PPP1R1C: variants seen among roughly 807,000 people sequenced by gnomAD.
PPP1R1C encodes protein phosphatase 1 regulatory subunit 1C.
A neutral mutation model predicts 17.4 loss-of-function variants in PPP1R1C; 15 were observed. The ratio of observed to expected loss-of-function variants is 0.86; its 90% confidence interval spans 0.58 to 1.33. PPP1R1C has a LOEUF of 1.33. PPP1R1C is among the 40% of genes most tolerant of loss of function. PPP1R1C has a pLI of 0.00. For synonymous variants in PPP1R1C, 35 were observed against 43.1 expected (o/e 0.81, Z 0.73); for missense variants, 143 against 130.0 (o/e 1.10, Z -0.48).
At chr2:182,092,255 CA>C (rs1688803775) in intron 4 of PPP1R1C, among the ~76,000 whole-genome samples, 1 of 152,140 alleles carries the variant, frequency 6.6e-6, no homozygotes, top group Admixed American at 6.5e-5. Flanking sequence ...GAGAAACTCC[CA>C]TTTTTAAAAC....
intron 2 of PPP1R1C, among the ~76,000 whole-genome samples, chr2:182,012,713 T>C (rs954285386): frequency 6.6e-6 from 1 of 152,084 alleles, no homozygotes; most frequent in Non-Finnish European, 1.5e-5. Context: ...ATGAAGGTGA[T>C]TTTTCTCTGG....
At chr2:182,037,903 G>A (rs1687061816) in intron 2 of PPP1R1C, among the ~76,000 whole-genome samples, 1 of 152,034 alleles carries the variant, frequency 6.6e-6, no homozygotes, top group Non-Finnish European at 1.5e-5. Flanking sequence ...ATTGATCAAA[G>A]TCATGCTGAA....
chr2:182,123,972 T>C (rs1427424130), intron 5 of PPP1R1C, among the ~76,000 whole-genome samples: 1 of 152,208 alleles, frequency 6.6e-6, no homozygotes, highest in Non-Finnish European at 1.5e-5. Context: ...TCTTATAGGG[T>C]TTTTATGGTT....
downstream of PPP1R1C, among the ~76,000 whole-genome samples, chr2:182,118,900 T>C (rs2125238941): frequency 6.6e-6 from 1 of 151,734 alleles, no homozygotes; most frequent in South Asian, 2.1e-4. Flanking sequence ...TCCCATGACT[T>C]TTTCTTTTTT....
chr2:182,031,693 T>A (rs1242719107), intron 2 of PPP1R1C, among the ~76,000 whole-genome samples: 1 of 152,220 alleles, frequency 6.6e-6, no homozygotes, highest in African/African-American at 2.4e-5. Flanking sequence ...CTGATACAGC[T>A]CTTTGACCAC....
Position 181,962,020 on chromosome 2 carries a change from C to A in PPP1R1C, n.111+7386C>A. On this transcript the variant is annotated intron_variant and non_coding_transcript_variant, in intron 1 of 5. Coordinates refer to the PPP1R1C transcript ENST00000464264. The surrounding 1 kb of genome is among the most constrained non-coding windows in gnomAD (Gnocchi z 6.0). ...CGGCTGCAAGACAGGCATTGTCAATCTGCAAAACGATGCCGGCATTGTCCA... is the reference window on the plus strand; with the variant it reads ...CGGCTGCAAGACAGGCATTGTCAATATGCAAAACGATGCCGGCATTGTCCA... 1 of 730,502 alleles carries A rather than the reference C, an allele frequency of 1.4e-6. No homozygotes were observed. Among genetic ancestry groups the A allele is most frequent in the South Asian group, 1.4e-5 (1 of 73,716 alleles). 45.3% of individuals were successfully genotyped at this position (730,502 alleles called of 1,614,324 possible). A position where few individuals can be genotyped will look rare whatever the true frequency, so the allele number is the denominator to read the frequency against.
At chr2:182,095,675 A>G (rs1688912430) in intron 4 of PPP1R1C, among the ~76,000 whole-genome samples, 1 of 152,312 alleles carries the variant, frequency 6.6e-6, no homozygotes, top group South Asian at 2.1e-4. Flanking sequence ...AGAAAAAGTA[A>G]TATCTTTTCT....
At chr2:182,034,490 A>C (rs1169971812) in intron 2 of PPP1R1C, among the ~76,000 whole-genome samples, 1 of 152,192 alleles carries the variant, frequency 6.6e-6, no homozygotes, top group African/African-American at 2.4e-5. Context: ...AAGGTCATTG[A>C]GGCTGGAGAG....
chr2:181,968,293 G>T (rs1684942496), intron 1 of PPP1R1C, among the ~76,000 whole-genome samples: 1 of 152,194 alleles, frequency 6.6e-6, no homozygotes, highest in South Asian at 2.1e-4. Context: ...ACAGTGGGGT[G>T]TTGAAGTCTC....
chr2:182,051,056 A>G (rs917999437), intron 2 of PPP1R1C, among the ~76,000 whole-genome samples: 2 of 152,208 alleles, frequency 1.3e-5, no homozygotes, highest in Non-Finnish European at 2.9e-5. Context: ...AAAATAACCT[A>G]TCCTCACCTG....
chr2:182,074,387 G>A (rs1350153419), intron 4 of PPP1R1C, among the ~76,000 whole-genome samples: 1 of 151,964 alleles, frequency 6.6e-6, no homozygotes, highest in Non-Finnish European at 1.5e-5. Context: ...TTATCTGCTT[G>A]TTCCCAGTGC....
chr2:182,014,997 T>A (rs1686215448), intron 2 of PPP1R1C, among the ~76,000 whole-genome samples: 1 of 152,026 alleles, frequency 6.6e-6, no homozygotes, highest in Middle Eastern at 3.2e-3. Context: ...CCAGAAGCCA[T>A]AGCTAGAATC....
At chr2:182,021,167 T>C (rs146366511) in intron 2 of PPP1R1C, among the ~76,000 whole-genome samples, 199 of 152,198 alleles carry the variant, frequency 1.3e-3, no homozygotes, top group East Asian at 1.2e-3. Context: ...TCAGGCAGAA[T>C]CTAGATTGTT....
At chr2:182,088,462 A>G (rs1688692469) in intron 4 of PPP1R1C, among the ~76,000 whole-genome samples, 1 of 152,224 alleles carries the variant, frequency 6.6e-6, no homozygotes, top group Non-Finnish European at 1.5e-5. Flanking sequence ...AAATTTGGGA[A>G]GAGGTTTGTT....
chr2:182,124,999 A>C (rs1689840454), intron 5 of PPP1R1C, among the ~76,000 whole-genome samples: 1 of 151,984 alleles, frequency 6.6e-6, no homozygotes, highest in Non-Finnish European at 1.5e-5. Flanking sequence ...GGAATGGTAG[A>C]ATTTTGCCCA....
intron 4 of PPP1R1C, among the ~76,000 whole-genome samples, chr2:182,073,664 A>C (rs900190812): frequency 1.8e-4 from 28 of 152,240 alleles, no homozygotes; most frequent in Admixed American, 6.5e-5. Context: ...TTCCTGTCAC[A>C]GCTAGGGAAG....
intron 5 of PPP1R1C, among the ~76,000 whole-genome samples, chr2:182,126,329 G>A (rs1378689887): frequency 6.6e-6 from 1 of 151,934 alleles, no homozygotes; most frequent in Non-Finnish European, 1.5e-5. Flanking sequence ...TAGAAGAAAT[G>A]CCTTTACTTA....
chr2:182,075,897 G>T (rs755722824), intron 4 of PPP1R1C, among the ~76,000 whole-genome samples: 1 of 151,988 alleles, frequency 6.6e-6, no homozygotes, highest in Non-Finnish European at 1.5e-5. Context: ...TATATTTTAT[G>T]TATCAAAAAT....
Position 182,085,076 on chromosome 2 carries a change from G to T in PPP1R1C, c.241+21285G>T, listed in dbSNP as rs190617276. On this transcript the variant is annotated intron_variant, in intron 4 of 4. Coordinates refer to ENST00000682840, the MANE Select transcript of PPP1R1C (RefSeq NM_001080545.3). ...GCTTGGTCATTGTTGGTGTGCTACT[G>T]ATTTGTGTACATTGCATCATATAGT... 1.9e-4 allele frequency among the ~76,000 whole-genome samples: 29 copies of T among 152,080 alleles called. No homozygotes were observed. In the East Asian group the frequency reaches 5.0e-3, roughly 26 times the overall value.
Sources: allele counts gnomAD v4.1 joint callset (sites outside exome capture counted in the v4.1 genomes callset), GRCh38; gene constraint gnomAD v4.1.1; non-coding constraint Gnocchi (gnomAD v3.1); transcripts MANE v1.5; gene names NCBI Gene and HGNC (gene_info 2026-07-23, HGNC 2026-07-21).